Variants in LRRC28 observed in about 807,000 individuals in gnomAD.
The protein encoded by LRRC28 is leucine rich repeat containing 28.
Under a neutral mutation model 45.7 loss-of-function variants are expected in LRRC28, and 39 were observed. The ratio of observed to expected loss-of-function variants is 0.85; its 90% CI spans 0.66 to 1.12. The LOEUF is 1.12. Among genes scored for constraint, LRRC28 ranks in the 50% most tolerant of loss-of-function variants. LRRC28 has a pLI of 0.00. For synonymous variants in LRRC28, 206 were observed against 178.8 expected (o/e 1.15, Z -1.22); for missense variants, 435 against 438.5 (o/e 0.99, Z 0.07).
chr15:99,258,268 C>G, intron 2 of LRRC28: 1 of 1,560,982 alleles, frequency 6.4e-7, no homozygotes, highest in Non-Finnish European at 8.8e-7. Flanking sequence ...CAAAACACAA[C>G]AACGATACCC....
intron 2 of LRRC28, chr15:99,259,150 C>G: frequency 1.5e-6 from 2 of 1,307,438 alleles, no homozygotes; most frequent in Admixed American, 3.4e-5. Context: ...TTCTTAGGTT[C>G]CAGTCTTCTC....
At chr15:99,272,533 G>C (rs546756619) in intron 2 of LRRC28, among the ~76,000 whole-genome samples, 1 of 152,300 alleles carries the variant, frequency 6.6e-6, no homozygotes, top group South Asian at 2.1e-4. Flanking sequence ...AATATTTGAC[G>C]TATTTGTTCC....
chr15:99,283,584 C>T (rs1170278456), intron 3 of LRRC28, among the ~76,000 whole-genome samples: 1 of 128,928 alleles, frequency 7.8e-6, no homozygotes. Context: ...CCACGGCACT[C>T]TAGCCTGGAC....
intron 5 of LRRC28, among the ~76,000 whole-genome samples, chr15:99,331,230 G>A (rs1956149047): frequency 6.6e-6 from 1 of 151,910 alleles, no homozygotes; most frequent in African/African-American, 2.4e-5. Flanking sequence ...AAATTTTGAT[G>A]GATTTTTTTC....
intron 5 of LRRC28, among the ~76,000 whole-genome samples, chr15:99,321,756 C>T (rs1597341286): frequency 6.6e-6 from 1 of 152,144 alleles, no homozygotes; most frequent in Non-Finnish European, 1.5e-5. Context: ...TTACTGTGCA[C>T]CTACCATGTG....
In LRRC28 at chr15:99,311,686, A is replaced by C. The variant is rs192383913; in HGVS notation, c.386-22237A>C. On this transcript the variant is annotated intron_variant, in intron 5 of 9. Transcript: ENST00000301981. ...GAATGATTTAAAAATTTTAAAGAGT[A>C]CTCTAAAAAGCCAAGAATATGCAAC... 5.9e-5 allele frequency among the ~76,000 whole-genome samples: 9 copies of C among 152,276 alleles called. No homozygotes were observed. The East Asian group carries it at 1.2e-3, about 20-fold the overall frequency.
chr15:99,256,017 G>A lies in LRRC28; in HGVS notation c.60G>A (p.Leu20=). 6.2e-7 allele frequency: 1 copy of A among 1,613,550 alleles called. No individual in the cohort carries two copies. Among genetic ancestry groups the A allele is most frequent in the Admixed American group, 1.7e-5 (1 of 59,998 alleles). The change falls in exon 2 of 10, where the codon TTG becomes TTA. Residue 20 remains leucine (L), a synonymous_variant. Transcript: ENST00000301981. ...SVARLEKHKN[L]FLNYRNLHHF... is the part of the protein sequence containing the mutation. ...CAAGGCTAGAAAAGCACAAGAATTTGTTCTTAAATTATAGGAATCTGCACC... is the reference window on the plus strand; with the variant it reads ...CAAGGCTAGAAAAGCACAAGAATTTATTCTTAAATTATAGGAATCTGCACC...
chr15:99,276,872 G>T (rs1477905668), intron 3 of LRRC28, among the ~76,000 whole-genome samples: 1 of 152,272 alleles, frequency 6.6e-6, no homozygotes, highest in African/African-American at 2.4e-5. Flanking sequence ...TGGGTATAGT[G>T]TCTTCTGTCA....
intron 6 of LRRC28, among the ~76,000 whole-genome samples, chr15:99,341,231 T>C (rs1399951764): frequency 6.6e-6 from 1 of 151,682 alleles, no homozygotes; most frequent in Non-Finnish European, 1.5e-5. Flanking sequence ...GCTGGGATTA[T>C]AGGCGCACAC....
chr15:99,279,956 G>A (rs1031688871), intron 3 of LRRC28, among the ~76,000 whole-genome samples: 8 of 152,100 alleles, frequency 5.3e-5, no homozygotes, highest in African/African-American at 1.2e-4. Context: ...TCCAGCGTCC[G>A]CACATCTTAC....
chr15:99,274,033 C>T (rs149541289), intron 2 of LRRC28, among the ~76,000 whole-genome samples: 9 of 152,226 alleles, frequency 5.9e-5, no homozygotes, highest in East Asian at 1.9e-4. Context: ...GGGATTTAGA[C>T]GGATCCACAA....
intron 5 of LRRC28, among the ~76,000 whole-genome samples, chr15:99,323,185 C>T (rs1332750313): frequency 6.6e-6 from 1 of 152,154 alleles, no homozygotes; most frequent in African/African-American, 2.4e-5. Flanking sequence ...TTGATTTTGG[C>T]TCCCTGGTCT....
intron 2 of LRRC28, chr15:99,257,609 G>A: frequency 1.5e-6 from 1 of 666,044 alleles, no homozygotes; most frequent in Non-Finnish European, 2.9e-6. Flanking sequence ...AAAGGGACTT[G>A]AGACTCACCA....
intron 5 of LRRC28, among the ~76,000 whole-genome samples, chr15:99,292,627 G>GT (rs2082154330): frequency 6.6e-6 from 1 of 151,978 alleles, no homozygotes; most frequent in African/African-American, 2.4e-5. Context: ...GCCTCCCAAA[G>GT]TGCTGGGATT....
intron 9 of LRRC28, among the ~76,000 whole-genome samples, chr15:99,375,283 T>G (rs941119549): frequency 6.6e-6 from 1 of 152,212 alleles, no homozygotes; most frequent in Non-Finnish European, 1.5e-5. Flanking sequence ...ATACTGATTA[T>G]CAAATATTGA....
At chr15:99,324,710 T>G (rs1955913365) in intron 5 of LRRC28, among the ~76,000 whole-genome samples, 1 of 152,210 alleles carries the variant, frequency 6.6e-6, no homozygotes, top group South Asian at 2.1e-4. Flanking sequence ...AGCTGAAAAG[T>G]TTCAAGGTAT....
chr15:99,347,820 G>A (rs1956743762), intron 6 of LRRC28, among the ~76,000 whole-genome samples: 1 of 152,106 alleles, frequency 6.6e-6, no homozygotes, highest in East Asian at 1.9e-4. Context: ...GAGTCATGTG[G>A]TAGTTCTATT....
chr15:99,293,593 CAAAAAAAAAAAAAAAAAAAAAAAA>C (rs57442636), intron 5 of LRRC28, among the ~76,000 whole-genome samples: 14 of 44,068 alleles, frequency 3.2e-4, no homozygotes, highest in Admixed American at 7.7e-4. Flanking sequence ...AACTCTGTCA[CAAAAAAAAAAAAAAAAAAAAAAAA>C]AAAAAAAAAA....
chr15:99,355,512 A>G (rs1390614101), intron 7 of LRRC28: 2 of 152,210 alleles, frequency 1.3e-5, no homozygotes, highest in African/African-American at 4.8e-5. Flanking sequence ...CATGGCATCT[A>G]TACTATTTGC....
Sources: gnomAD v4.1 joint callset for allele counts (sites outside exome capture counted in the v4.1 genomes callset) on GRCh38, gnomAD v4.1.1 for gene constraint, MANE v1.5 for transcripts, NCBI Gene and HGNC (gene_info 2026-07-23, HGNC 2026-07-21) for gene names.